UBAP1: variants seen among roughly 807,000 people sequenced by gnomAD.
UBAP1 encodes ubiquitin-associated protein 1.
UBAP1 carries 5 observed loss-of-function variants against 39.0 expected under a neutral mutation model. That is an observed-to-expected ratio of 0.13 (90% CI 0.07 to 0.27). The LOEUF (loss-of-function observed/expected upper bound fraction) is 0.27. Among genes scored for constraint, UBAP1 ranks in the 10% least tolerant of loss-of-function variants. The pLI, the probability that UBAP1 is intolerant of heterozygous loss-of-function variation, is 1.00. For synonymous variants in UBAP1, 211 were observed against 225.1 expected, an observed-to-expected ratio of 0.94 and a Z score of 0.56; for missense variants, 490 against 608.1, an observed-to-expected ratio of 0.81 and a Z score of 2.04.
intron 1 of UBAP1, chr9:34,205,993 A>AAAAC (rs149263119): frequency 5.9e-5 from 9 of 152,480 alleles, no homozygotes; most frequent in African/African-American, 2.2e-4. Flanking sequence ...TCCGTCTCAA[A>AAAAC]AAACAAACAA....
At chr9:34,199,026 A>G (rs1831215186) in intron 1 of UBAP1, among the ~76,000 whole-genome samples, 1 of 152,222 alleles carries the variant, frequency 6.6e-6, no homozygotes, top group South Asian at 2.1e-4. Context: ...GATAGTGACT[A>G]GAACCTGGAC....
chr9:34,188,695 G>A (rs1323649823), intron 1 of UBAP1, among the ~76,000 whole-genome samples: 1 of 152,042 alleles, frequency 6.6e-6, no homozygotes, highest in Non-Finnish European at 1.5e-5. Flanking sequence ...GTTGGCTCAC[G>A]CCTGTAATCC....
intron 1 of UBAP1, among the ~76,000 whole-genome samples, chr9:34,192,558 CTTTCCA>C: frequency 6.9e-6 from 1 of 145,344 alleles, no homozygotes; most frequent in South Asian, 2.3e-4. Flanking sequence ...TCTAGTTCAT[CTTTCCA>C]GTTTTAAAAC....
chr9:34,182,650 T>TCTTTCTTC (rs1830125635), intron 1 of UBAP1, among the ~76,000 whole-genome samples: 1 of 63,232 alleles, frequency 1.6e-5, no homozygotes, highest in Non-Finnish European at 4.1e-5. Context: ...TTTCTTTCTT[T>TCTTTCTTC]CTTTCTTTCT....
At chr9:34,241,063 G>A (rs368971289) in intron 3 of UBAP1, 122 bp from the exon 4 acceptor site, 51 of 633,588 alleles carry the variant, frequency 8.0e-5, no homozygotes, top group African/African-American at 7.9e-4. Flanking sequence ...CATCCCACAC[G>A]CCTTAAATGC....
intron 1 of UBAP1, among the ~76,000 whole-genome samples, chr9:34,200,764 C>A (rs1027806567): frequency 1.3e-5 from 2 of 152,186 alleles, no homozygotes; most frequent in Non-Finnish European, 1.5e-5. Context: ...TTTTACTACT[C>A]CACAGAGTTA....
chr9:34,214,024 CACAA>C (rs1832162627), intron 1 of UBAP1, among the ~76,000 whole-genome samples: 2 of 152,016 alleles, frequency 1.3e-5, no homozygotes, highest in Non-Finnish European at 2.9e-5. Flanking sequence ...TCATAGATGG[CACAA>C]ACAAATGGAA....
At chr9:34,190,104 A>G (rs1420306433) in intron 1 of UBAP1, among the ~76,000 whole-genome samples, 1 of 152,246 alleles carries the variant, frequency 6.6e-6, no homozygotes, top group Admixed American at 6.5e-5. Flanking sequence ...GGGTGATGAA[A>G]TAATCTGTAC....
intron 1 of UBAP1, among the ~76,000 whole-genome samples, chr9:34,183,049 A>AT (rs1217207989): frequency 1.3e-5 from 2 of 151,936 alleles, no homozygotes; most frequent in African/African-American, 2.4e-5. Context: ...AAGTGCTGGG[A>AT]TTATAGGCGT....
intron 4 of UBAP1, among the ~76,000 whole-genome samples, chr9:34,247,378 A>G (rs905816423): frequency 6.6e-6 from 1 of 152,174 alleles, no homozygotes; most frequent in Non-Finnish European, 1.5e-5. Flanking sequence ...TGCATCTTTA[A>G]AAAATATTGT....
chr9:34,251,796 T>G lies in UBAP1; in HGVS notation c.*264T>G. On this transcript the variant is annotated 3_prime_UTR_variant, in exon 7 of 7. Transcript: ENST00000297661. ...GCATTTTGAGAAGTGTCCTTCCCAC[T>G]TCAGCCCTCCGGAGAGACTACCCTA... 1 of 415,316 alleles carries G rather than the reference T, an allele frequency of 2.4e-6. No individual in the cohort carries two copies. The allele number at this position is 415,316 out of a possible 1,614,324, so 25.7% of individuals were successfully genotyped here.
chr9:34,225,312 C>T (rs1173225521), intron 2 of UBAP1, among the ~76,000 whole-genome samples: 1 of 152,038 alleles, frequency 6.6e-6, no homozygotes, highest in African/African-American at 2.4e-5. Flanking sequence ...TTATTTTCAA[C>T]TAAAGTTGAA....
At chr9:34,235,292 T>C (rs1411594959) in intron 3 of UBAP1, among the ~76,000 whole-genome samples, 1 of 138,062 alleles carries the variant, frequency 7.2e-6, no homozygotes, top group East Asian at 2.3e-4. Context: ...CATTTGTGTA[T>C]ATGTGTATAT....
chr9:34,193,372 A>G (rs562287747), intron 1 of UBAP1, among the ~76,000 whole-genome samples: 5 of 151,738 alleles, frequency 3.3e-5, no homozygotes, highest in East Asian at 1.9e-4. Context: ...TTCTTCCTCT[A>G]CTCTCACACC....
At chr9:34,190,802 C>CTTT (rs373942127) in intron 1 of UBAP1, among the ~76,000 whole-genome samples, 56 of 116,642 alleles carry the variant, frequency 4.8e-4, no homozygotes, top group East Asian at 1.7e-3. Flanking sequence ...ATGCCTGGCT[C>CTTT]TTTTTTTTTT....
intron 2 of UBAP1, 60 bp from the exon 3 acceptor site, chr9:34,234,156 T>C (rs1052100117): frequency 6.5e-7 from 1 of 1,538,972 alleles, no homozygotes; most frequent in African/African-American, 1.4e-5. Flanking sequence ...GACATAAGAT[T>C]ATGGCAAAAC....
At chr9:34,229,642 A>T (rs1833302710) in intron 2 of UBAP1, among the ~76,000 whole-genome samples, 1 of 151,368 alleles carries the variant, frequency 6.6e-6, no homozygotes, top group Admixed American at 6.6e-5. Context: ...GGTTCAAGAG[A>T]TTCTCCTGCC....
At chr9:34,180,627 A>G (rs1300544254) in intron 1 of UBAP1, among the ~76,000 whole-genome samples, 2 of 152,004 alleles carry the variant, frequency 1.3e-5, no homozygotes, top group Non-Finnish European at 2.9e-5. Context: ...TTTTGTTTCT[A>G]GTTCTATTAA....
intron 1 of UBAP1, among the ~76,000 whole-genome samples, chr9:34,207,880 G>A (rs550121497): frequency 6.6e-6 from 1 of 152,200 alleles, no homozygotes; most frequent in Admixed American, 6.5e-5. Context: ...TCCTGGGAAA[G>A]TTTCTTATCT....
Sources: gnomAD v4.1 joint callset for allele counts (sites outside exome capture counted in the v4.1 genomes callset) on GRCh38, gnomAD v4.1.1 for gene constraint, MANE v1.5 for transcripts, NCBI Gene and HGNC (gene_info 2026-07-23, HGNC 2026-07-21) for gene names.